Variants in GPATCH1 observed in about 807,000 individuals in gnomAD.
The protein encoded by GPATCH1 is G patch domain-containing protein 1.
Under a neutral mutation model 114.9 loss-of-function variants are expected in GPATCH1, and 73 were observed. The observed-to-expected ratio is 0.64, with a 90% CI of 0.53 to 0.77. The LOEUF (loss-of-function observed/expected upper bound fraction) is 0.77, where lower values mean the gene tolerates loss of function less well. GPATCH1 is among the 30% of genes least tolerant of loss of function. The pLI is 0.00. For missense variants in GPATCH1, 1,058 were observed against 1,144.3 expected (o/e 0.92, Z 1.09); for synonymous variants, 391 against 428.4 (o/e 0.91, Z 1.08).
At chr19:33,128,256 T>G (rs1420904946) in intron 19 of GPATCH1, among the ~76,000 whole-genome samples, 1 of 151,130 alleles carries the variant, frequency 6.6e-6, no homozygotes, top group Non-Finnish European at 1.5e-5. Context: ...CCCAGCTAAT[T>G]TTTTTAAAAA....
At chr19:33,115,201 G>C (rs1972903959) in intron 15 of GPATCH1, among the ~76,000 whole-genome samples, 1 of 149,202 alleles carries the variant, frequency 6.7e-6, no homozygotes, top group South Asian at 2.1e-4. Flanking sequence ...TGGGACTGCG[G>C]GCACACACCA....
Position 33,111,653 on chromosome 19 carries a change from A to C in GPATCH1, c.1586-71A>C, listed in dbSNP as rs538840637. Reference sequence around the variant, plus strand: ...AATATACAGGGATACAGTGGTGCCCAGCAGATGTTCTCTTGTAAGCCCCAT... The same window carrying C: ...AATATACAGGGATACAGTGGTGCCCCGCAGATGTTCTCTTGTAAGCCCCAT... On this transcript the variant is annotated intron_variant, in intron 11 of 19. Coordinates refer to ENST00000170564, the MANE Select transcript of GPATCH1 (RefSeq NM_018025.3). The C allele has an allele frequency of 8.1e-6, 11 of 1,358,536 alleles. No individual in the cohort carries two copies. The East Asian group carries it at 2.3e-4, about 28-fold the overall frequency. The allele number at this position is 1,358,536 out of a possible 1,614,324, so 84.2% of individuals were successfully genotyped here.
chr19:33,081,363 A>G, intron 1 of GPATCH1, 97 bp downstream of exon 1: 2 of 964,752 alleles, frequency 2.1e-6, no homozygotes, highest in East Asian at 2.9e-5. Flanking sequence ...CCATTGTTAG[A>G]TCGTTCCCAG....
At position 33,112,555 on chromosome 19, in the gene GPATCH1, G is replaced by C. The variant is rs1047791476; in HGVS notation, c.1834G>C (p.Glu612Gln). 6.2e-7 allele frequency: 1 copy of C among 1,613,948 alleles called. No individual in the cohort carries two copies. Residue 612 changes from glutamate (E) to glutamine (Q), a missense_variant, in exon 13 of 20, where the codon GAG (glutamate) becomes CAG (glutamine). By Grantham distance (29) the Glu-to-Gln change is conservative. Coordinates refer to ENST00000170564, the MANE Select transcript of GPATCH1 (RefSeq NM_018025.3). Reference protein sequence around the residue: ...MFGKLTRDTFEWHPDKLLCKR... With the variant: ...MFGKLTRDTFQWHPDKLLCKR... ...TGGGAAGCTCACCCGAGACACGTTT[G>C]AGTGGCACCCTGACAAGCTTCTATG... is the stretch of plus-strand genomic sequence containing the variant.
At chr19:33,100,892 T>C (rs1413216064) in intron 8 of GPATCH1, among the ~76,000 whole-genome samples, 1 of 152,026 alleles carries the variant, frequency 6.6e-6, no homozygotes. Context: ...ATCAAAGAGC[T>C]TTTGTTGGTG....
intron 11 of GPATCH1, 136 bp from the exon 12 acceptor site, chr19:33,111,587 AC>A (rs1326147382): frequency 1.2e-6 from 1 of 822,792 alleles, no homozygotes; most frequent in African/African-American, 1.7e-5. Context: ...CAAATACCTC[AC>A]CATTCCCATA....
intron 1 of GPATCH1, 54 bp from the exon 2 acceptor site, chr19:33,088,079 AC>A: frequency 9.5e-7 from 1 of 1,051,304 alleles, no homozygotes; most frequent in Non-Finnish European, 1.3e-6. Context: ...CTAAATTTGA[AC>A]CGACCATCTC....
intron 1 of GPATCH1, among the ~76,000 whole-genome samples, chr19:33,082,834 T>C (rs1972493077): frequency 6.6e-6 from 1 of 152,178 alleles, no homozygotes; most frequent in Non-Finnish European, 1.5e-5. Context: ...GGTCTTGCTG[T>C]GTTGACCATG....
At chr19:33,084,721 C>T (rs1972517223) in intron 1 of GPATCH1, among the ~76,000 whole-genome samples, 1 of 150,274 alleles carries the variant, frequency 6.7e-6, no homozygotes, top group Non-Finnish European at 1.5e-5. Flanking sequence ...AGTGCAATGG[C>T]ACGATCTTTG....
At chr19:33,102,558 G>A (rs1411207325) in intron 9 of GPATCH1, among the ~76,000 whole-genome samples, 1 of 151,586 alleles carries the variant, frequency 6.6e-6, no homozygotes, top group African/African-American at 2.4e-5. Context: ...CACCACGGCT[G>A]GCTAATCTTT....
At chr19:33,109,633 G>A in intron 10 of GPATCH1, 84 bp from the exon 11 acceptor site, 1 of 786,608 alleles carries the variant, frequency 1.3e-6, no homozygotes, top group Middle Eastern at 2.5e-4. Flanking sequence ...GTAAATTTGT[G>A]TTATTGAAAT....
intron 10 of GPATCH1, among the ~76,000 whole-genome samples, chr19:33,107,985 T>A (rs1259554402): frequency 5.9e-5 from 9 of 152,126 alleles, no homozygotes; most frequent in Non-Finnish European, 1.2e-4. Flanking sequence ...TATCTCCTAA[T>A]GCTATCCCTC....
Position 33,124,541 on chromosome 19 carries a change from G to A in GPATCH1, c.2522-564G>A, listed in dbSNP as rs570066202. ...TGTAAGACAAATTCTTATAAAATACGTTTTTGTAGAGAGAGGAGGATATAA... is the reference window on the plus strand; with the variant it reads ...TGTAAGACAAATTCTTATAAAATACATTTTTGTAGAGAGAGGAGGATATAA... On this transcript the variant is annotated intron_variant, in intron 17 of 19. Transcript: ENST00000170564. Among the ~76,000 whole-genome samples the A allele has an allele frequency of 1.9e-4, 29 of 152,248 alleles. No homozygotes were observed. In the South Asian group the frequency reaches 6.0e-3, roughly 32 times the overall value.
chr19:33,098,034 G>T (rs897397231), intron 8 of GPATCH1, 132 bp downstream of exon 8: 1 of 890,492 alleles, frequency 1.1e-6, no homozygotes, highest in Non-Finnish European at 1.8e-6. Context: ...AAACAAAGAA[G>T]CGAGGCCCAG....
chr19:33,090,053 G>A (rs996702747), intron 2 of GPATCH1, among the ~76,000 whole-genome samples: 2 of 152,218 alleles, frequency 1.3e-5, no homozygotes, highest in Admixed American at 1.3e-4. Flanking sequence ...CCCTTGGAGA[G>A]AATCAGGAAG....
chr19:33,103,709 GAAA>G (rs1011621347), intron 9 of GPATCH1, among the ~76,000 whole-genome samples: 3 of 149,808 alleles, frequency 2.0e-5, no homozygotes, highest in African/African-American at 7.4e-5. Context: ...CTCAAAAAAA[GAAA>G]AAAAAAGAAA....
intron 2 of GPATCH1, among the ~76,000 whole-genome samples, chr19:33,089,214 A>G (rs1972567925): frequency 6.6e-6 from 1 of 152,092 alleles, no homozygotes; most frequent in African/African-American, 2.4e-5. Context: ...TGAGTGAGTG[A>G]GGAGGGCAGG....
intron 1 of GPATCH1, among the ~76,000 whole-genome samples, chr19:33,083,447 T>G (rs1460806461): frequency 1.3e-5 from 2 of 148,246 alleles, no homozygotes; most frequent in Non-Finnish European, 3.0e-5. Context: ...CAGGCTGGAG[T>G]GCAGTGGCGC....
chr19:33,122,976 G>A (rs1973001888), intron 17 of GPATCH1, among the ~76,000 whole-genome samples: 1 of 151,952 alleles, frequency 6.6e-6, no homozygotes, highest in Admixed American at 6.6e-5. Context: ...GGAGGCTGAA[G>A]TGGGAGGATT....
Sources: allele counts gnomAD v4.1 joint callset (sites outside exome capture counted in the v4.1 genomes callset), GRCh38; gene constraint gnomAD v4.1.1; transcripts MANE v1.5; gene names NCBI Gene and HGNC (gene_info 2026-07-23, HGNC 2026-07-21).